Variants in BCKDHB observed in about 807,000 individuals in gnomAD.
BCKDHB encodes the protein branched chain keto acid dehydrogenase E1 subunit beta.
A neutral mutation model predicts 48.5 loss-of-function variants in BCKDHB; 41 were observed. The observed-to-expected ratio is 0.85, with a 90% CI of 0.66 to 1.10. The LOEUF is 1.10. BCKDHB is among the 50% of genes least tolerant of loss of function. The pLI, the probability that BCKDHB is intolerant of heterozygous loss-of-function variation, is 0.00. For missense variants in BCKDHB, 496 were observed against 494.2 expected (o/e 1.00, Z -0.03); for synonymous variants, 201 against 174.8 (o/e 1.15, Z -1.18).
At chr6:80,327,338 A>C (rs968718274) in intron 9 of BCKDHB, among the ~76,000 whole-genome samples, 3 of 152,226 alleles carry the variant, frequency 2.0e-5, no homozygotes, top group Non-Finnish European at 4.4e-5. Flanking sequence ...GAAGTGAAAA[A>C]CAGAATGGTT....
At chr6:80,423,418 G>A in the BCKDHB span, among the ~76,000 whole-genome samples, 3 of 152,154 alleles carry the variant, frequency 2.0e-5, no homozygotes, top group Admixed American at 6.5e-5. Flanking sequence ...GAGAAATTTG[G>A]TGTTTCTCTT....
chr6:80,425,157 C>A, the BCKDHB span, among the ~76,000 whole-genome samples: 194 of 152,182 alleles, frequency 1.3e-3, 2 homozygotes, highest in African/African-American at 4.4e-3. Context: ...TTGCCACACA[C>A]AAAACATTCT....
intron 8 of BCKDHB, among the ~76,000 whole-genome samples, chr6:80,256,289 T>C (rs1777047521): frequency 6.6e-6 from 1 of 152,186 alleles, no homozygotes; most frequent in South Asian, 2.1e-4. Flanking sequence ...AGAGTGTACT[T>C]ACATGAATCT....
intron 8 of BCKDHB, among the ~76,000 whole-genome samples, chr6:80,222,446 T>C (rs926474465): frequency 6.6e-6 from 1 of 152,174 alleles, no homozygotes; most frequent in Non-Finnish European, 1.5e-5. Flanking sequence ...CCCCTCCTGA[T>C]TGACAGCTAA....
chr6:80,150,508 C>T (rs1008268892), intron 3 of BCKDHB, among the ~76,000 whole-genome samples: 3 of 149,274 alleles, frequency 2.0e-5, no homozygotes, highest in African/African-American at 7.4e-5. Context: ...ATATGAGTGA[C>T]AGTAGGAACC....
At chr6:80,373,094 T>C in the BCKDHB span, among the ~76,000 whole-genome samples, 1 of 151,962 alleles carries the variant, frequency 6.6e-6, no homozygotes. Flanking sequence ...TTTTTTTGTT[T>C]GGTAACTCAA....
At chr6:80,214,618 G>A (rs1775085426) in intron 8 of BCKDHB, among the ~76,000 whole-genome samples, 1 of 152,282 alleles carries the variant, frequency 6.6e-6, no homozygotes, top group South Asian at 2.1e-4. Context: ...ACCACTAGAG[G>A]CCTCTCTTAG....
At chr6:80,367,874 G>A in the BCKDHB span, among the ~76,000 whole-genome samples, 1 of 152,232 alleles carries the variant, frequency 6.6e-6, no homozygotes, top group Non-Finnish European at 1.5e-5. Flanking sequence ...CCTCATGCAT[G>A]TGGTCCATTG....
chr6:80,273,298 T>C (rs16891628), intron 9 of BCKDHB, 77 bp downstream of exon 9: 1 of 1,212,110 alleles, frequency 8.3e-7, no homozygotes, highest in African/African-American at 1.5e-5. Flanking sequence ...AAATTACTTA[T>C]CACAATATGT....
the BCKDHB span, among the ~76,000 whole-genome samples, chr6:80,427,100 C>A: frequency 6.6e-6 from 1 of 151,880 alleles, no homozygotes; most frequent in Non-Finnish European, 1.5e-5. Context: ...CATCTTTATT[C>A]CTGGTAACAT....
At chr6:80,209,782 G>C (rs1774834941) in intron 8 of BCKDHB, among the ~76,000 whole-genome samples, 1 of 151,864 alleles carries the variant, frequency 6.6e-6, no homozygotes, top group African/African-American at 2.4e-5. Context: ...CGTTAAAAAA[G>C]GGCTGATAAC....
chr6:80,277,893 T>G, intron 9 of BCKDHB, among the ~76,000 whole-genome samples: 1 of 152,258 alleles, frequency 6.6e-6, no homozygotes, highest in South Asian at 2.1e-4. Context: ...AAGAAAACTT[T>G]TAATAACTTT....
In BCKDHB at chr6:80,147,834, A is replaced by C. The variant is rs1269868603; in HGVS notation, c.343+18605A>C. Among the ~76,000 whole-genome samples the C allele has an allele frequency of 4.6e-5, 7 of 152,186 alleles. No individual in the cohort carries two copies. The South Asian group carries it at 1.2e-3, about 27-fold the overall frequency. ...CTATCTGAGAGGTAATGAGAGTCTA[A>C]ATTGTGGTAGTGGAGGGAAGGGATA... On this transcript the variant is annotated intron_variant, in intron 3 of 9. Coordinates refer to ENST00000320393, the MANE Select transcript of BCKDHB (RefSeq NM_183050.4).
chr6:80,141,618 A>G (rs556418706), intron 3 of BCKDHB, among the ~76,000 whole-genome samples: 1 of 152,130 alleles, frequency 6.6e-6, no homozygotes, highest in Non-Finnish European at 1.5e-5. Context: ...TTCAAATGTG[A>G]GCACCAATAG....
the BCKDHB span, among the ~76,000 whole-genome samples, chr6:80,432,543 G>T: frequency 3.1e-3 from 470 of 151,968 alleles, 2 homozygotes; most frequent in African/African-American, 0.011. Flanking sequence ...GGTCATTTAT[G>T]TTCTCTAAAC....
intron 8 of BCKDHB, among the ~76,000 whole-genome samples, chr6:80,216,620 G>A (rs191089394): frequency 2.0e-5 from 3 of 152,032 alleles, no homozygotes; most frequent in East Asian, 1.9e-4. Context: ...TCACTGTTAC[G>A]AATAGCAGTG....
At chr6:80,240,649 C>T (rs1386788858) in intron 8 of BCKDHB, among the ~76,000 whole-genome samples, 1 of 152,080 alleles carries the variant, frequency 6.6e-6, no homozygotes, top group East Asian at 1.9e-4. Flanking sequence ...TAATTGAATA[C>T]CCTTTATTTC....
chr6:80,214,425 A>T (rs1211186723), intron 8 of BCKDHB, among the ~76,000 whole-genome samples: 1 of 152,232 alleles, frequency 6.6e-6, no homozygotes, highest in African/African-American at 2.4e-5. Context: ...GTTAAAATAT[A>T]CATTTTAAAA....
At chr6:80,285,736 C>T (rs1232995284) in intron 9 of BCKDHB, among the ~76,000 whole-genome samples, 1 of 152,090 alleles carries the variant, frequency 6.6e-6, no homozygotes, top group East Asian at 1.9e-4. Flanking sequence ...CTTATGAAGG[C>T]TTTCTCCATC....
Sources: allele counts gnomAD v4.1 joint callset (sites outside exome capture counted in the v4.1 genomes callset), GRCh38; gene constraint gnomAD v4.1.1; transcripts MANE v1.5; gene names NCBI Gene and HGNC (gene_info 2026-07-23, HGNC 2026-07-21).